Variants in CACNA2D3 observed in about 807,000 individuals in gnomAD.
CACNA2D3 encodes the protein calcium voltage-gated channel auxiliary subunit alpha2delta 3, also known as voltage-dependent calcium channel subunit alpha-2/delta-3.
A neutral mutation model predicts 160.6 loss-of-function variants in CACNA2D3; 60 were observed. That is an observed-to-expected ratio of 0.37 (90% confidence interval 0.30 to 0.46). The LOEUF is 0.46. Among genes scored for constraint, CACNA2D3 ranks in the 20% least tolerant of loss-of-function variants. The pLI is 1.00. For synonymous variants in CACNA2D3, 558 were observed against 492.9 expected (o/e 1.13, Z -1.75); for missense variants, 1,205 against 1,365.0 (o/e 0.88, Z 1.85).
chr3:54,462,031 T>C lies in CACNA2D3; in HGVS notation c.382-41461T>C, dbSNP rs144797793. Among the ~76,000 whole-genome samples, 151 of 152,336 alleles carry C rather than the reference T, an allele frequency of 9.9e-4. 3 individuals carry two copies. In the East Asian group the frequency reaches 0.025, roughly 25 times the overall value. ...CTTTATTTCTGCCTTCATTTCGTTATGTACCCTGTAGTCATTCAGGAGCAG... is the reference window on the plus strand; with the variant it reads ...CTTTATTTCTGCCTTCATTTCGTTACGTACCCTGTAGTCATTCAGGAGCAG... On this transcript the variant is annotated intron_variant, in intron 4 of 37. Transcript: ENST00000474759.
intron 4 of CACNA2D3, among the ~76,000 whole-genome samples, chr3:54,502,790 A>G (rs933214902): frequency 3.3e-5 from 5 of 152,226 alleles, no homozygotes; most frequent in African/African-American, 1.2e-4. Context: ...TGTTAGGAGA[A>G]TCAGATGAGT....
intron 4 of CACNA2D3, among the ~76,000 whole-genome samples, chr3:54,481,531 T>C (rs555024904): frequency 1.1e-4 from 16 of 152,324 alleles, no homozygotes; most frequent in Admixed American, 5.9e-4. Context: ...TGTGAAATGA[T>C]TGGTAACTGT....
chr3:54,511,680 G>A (rs867809980), intron 5 of CACNA2D3, among the ~76,000 whole-genome samples: 2 of 152,278 alleles, frequency 1.3e-5, no homozygotes, highest in Middle Eastern at 3.4e-3. Context: ...GAGAAATTCT[G>A]AAAGGTGGTA....
chr3:54,260,482 C>T (rs1702383581), intron 2 of CACNA2D3, among the ~76,000 whole-genome samples: 1 of 152,154 alleles, frequency 6.6e-6, no homozygotes, highest in African/African-American at 2.4e-5. Context: ...GGTCTCTCTT[C>T]CTTTTCTTAT....
chr3:54,622,300 G>A (rs1382644478), intron 9 of CACNA2D3, among the ~76,000 whole-genome samples: 1 of 152,138 alleles, frequency 6.6e-6, no homozygotes. Context: ...TTTTGAAATG[G>A]AGTCTCGCTC....
At position 54,803,288 on chromosome 3, in the gene CACNA2D3, A is replaced by T. The variant is rs535323927; in HGVS notation, c.1381-13565A>T. Among the ~76,000 whole-genome samples the T allele has an allele frequency of 1.5e-3, 231 of 152,294 alleles. 1 individual carries two copies. The highest frequency in any genetic ancestry group is 5.1e-3 in the African/African-American group (213 of 41,574). On this transcript the variant is annotated intron_variant, in intron 13 of 37. Transcript: ENST00000474759. ...AGCTACAGGAGGAAATTCAAACCAA[A>T]GGCAAAGAAGTTGAAAACTTTGAAA...
At chr3:54,641,506 A>C (rs998348295) in intron 10 of CACNA2D3, among the ~76,000 whole-genome samples, 3 of 152,206 alleles carry the variant, frequency 2.0e-5, no homozygotes, top group African/African-American at 7.2e-5. Context: ...TCAAAGTCTT[A>C]GTTGAATCTC....
At chr3:54,376,326 A>G (rs1009764266) in intron 3 of CACNA2D3, among the ~76,000 whole-genome samples, 12 of 152,156 alleles carry the variant, frequency 7.9e-5, no homozygotes, top group African/African-American at 2.9e-4. Flanking sequence ...CTTTAACCCC[A>G]GCTTACTGTT....
chr3:54,741,946 C>T (rs1179336106), intron 11 of CACNA2D3, among the ~76,000 whole-genome samples: 7 of 151,458 alleles, frequency 4.6e-5, no homozygotes, highest in Non-Finnish European at 7.4e-5. Flanking sequence ...TGGTGGATCT[C>T]GGCTCACTGC....
chr3:54,666,767 TTGTGACA>T (rs1700075277), intron 11 of CACNA2D3, among the ~76,000 whole-genome samples: 1 of 152,196 alleles, frequency 6.6e-6, no homozygotes, highest in Non-Finnish European at 1.5e-5. Context: ...CAGTCTTATT[TTGTGACA>T]TGTGATTCAG....
intron 4 of CACNA2D3, among the ~76,000 whole-genome samples, chr3:54,473,216 C>T (rs573287038): frequency 2.4e-4 from 37 of 152,004 alleles, no homozygotes; most frequent in African/African-American, 7.5e-4. Flanking sequence ...CAGAGGCCTC[C>T]GAAATAATGC....
chr3:54,693,208 G>A (rs538915270), intron 11 of CACNA2D3, among the ~76,000 whole-genome samples: 8 of 152,300 alleles, frequency 5.3e-5, no homozygotes, highest in Non-Finnish European at 1.0e-4. Context: ...ATGTGGGAAG[G>A]TCATTATAGG....
chr3:54,991,717 G>C (rs199574870), intron 31 of CACNA2D3, among the ~76,000 whole-genome samples: 1 of 152,136 alleles, frequency 6.6e-6, no homozygotes, highest in African/African-American at 2.4e-5. Flanking sequence ...GAAGACTTCA[G>C]GTTGAGCACA....
intron 29 of CACNA2D3, among the ~76,000 whole-genome samples, chr3:54,980,552 CAA>C (rs144410391): frequency 0.015 from 2,260 of 152,094 alleles, 59 homozygotes; most frequent in African/African-American, 0.052. Flanking sequence ...TTGGTGGTCT[CAA>C]ATACATGTTA....
chr3:55,022,602 C>G (rs532156036), intron 35 of CACNA2D3, among the ~76,000 whole-genome samples: 3 of 141,050 alleles, frequency 2.1e-5, no homozygotes, highest in Non-Finnish European at 4.5e-5. Flanking sequence ...TTCCTTCTTT[C>G]TTTCCTTCCC....
intron 31 of CACNA2D3, among the ~76,000 whole-genome samples, chr3:54,993,206 G>A (rs1702780103): frequency 6.6e-6 from 1 of 152,236 alleles, no homozygotes; most frequent in Non-Finnish European, 1.5e-5. Flanking sequence ...GGCCCCTGGG[G>A]GGCACTGGAA....
At chr3:54,941,425 CA>C (rs1462310586) in intron 27 of CACNA2D3, among the ~76,000 whole-genome samples, 1 of 152,190 alleles carries the variant, frequency 6.6e-6, no homozygotes, top group African/African-American at 2.4e-5. Context: ...ACGCTATTTT[CA>C]AACTACTTAT....
intron 4 of CACNA2D3, among the ~76,000 whole-genome samples, chr3:54,454,882 T>C (rs1431451266): frequency 6.6e-6 from 1 of 152,050 alleles, no homozygotes; most frequent in Admixed American, 6.6e-5. Context: ...TCATTTAACA[T>C]AATGTCCTTC....
intron 17 of CACNA2D3, among the ~76,000 whole-genome samples, chr3:54,855,909 CT>C (rs1322307803): frequency 6.6e-6 from 1 of 152,222 alleles, no homozygotes; most frequent in African/African-American, 2.4e-5. Context: ...CCACCTCCTG[CT>C]GCCCTGTCAC....
Sources: allele counts gnomAD v4.1 joint callset (sites outside exome capture counted in the v4.1 genomes callset), GRCh38; gene constraint gnomAD v4.1.1; transcripts MANE v1.5; gene names NCBI Gene and HGNC (gene_info 2026-07-23, HGNC 2026-07-21).